The following PCDHGA4 variants were observed in gnomAD, a reference collection of about 807,000 sequenced individuals.
PCDHGA4 encodes protocadherin gamma subfamily A, 4.
Under a neutral mutation model 54.6 loss-of-function variants are expected in PCDHGA4, and 38 were observed. The observed-to-expected ratio is 0.70, with a 90% CI of 0.54 to 0.91. The LOEUF (loss-of-function observed/expected upper bound fraction) is 0.91, where lower values mean the gene tolerates loss of function less well. PCDHGA4 is among the 40% of genes least tolerant of loss of function. The pLI is 0.00. For synonymous variants in PCDHGA4, 511 were observed against 512.9 expected, an observed-to-expected ratio of 1.00 and a Z score of 0.05; for missense variants, 1,298 against 1,220.9, an observed-to-expected ratio of 1.06 and a Z score of -0.94.
At chr5:141,494,638 A>G (rs2099755799) in intron 1 of PCDHGA4, 169 bp from the exon 2 acceptor site, 1 of 896,388 alleles carries the variant, frequency 1.1e-6, no homozygotes, top group African/African-American at 1.8e-5. Context: ...GACCTCTGAG[A>G]CCTGAGGTGT....
At chr5:141,410,818 T>G in intron 1 of PCDHGA4, 2 of 556,016 alleles carry the variant, frequency 3.6e-6, no homozygotes, top group Non-Finnish European at 5.8e-6. Context: ...TGTAAAATAA[T>G]GTCACCAGAC....
chr5:141,399,010 G>A (rs1400790755), intron 1 of PCDHGA4: 5 of 1,613,726 alleles, frequency 3.1e-6, no homozygotes, highest in African/African-American at 1.3e-5. Flanking sequence ...TTCAAAGAGC[G>A]GAGAAATTAC....
At chr5:141,470,001 C>T (rs753591964) in intron 1 of PCDHGA4, among the ~76,000 whole-genome samples, 6 of 152,006 alleles carry the variant, frequency 3.9e-5, no homozygotes, top group Admixed American at 1.3e-4. Context: ...CGTCGTGGCA[C>T]GCCTGTAATC....
At chr5:141,498,457 G>A (rs1028236637) in intron 2 of PCDHGA4, among the ~76,000 whole-genome samples, 8 of 152,126 alleles carry the variant, frequency 5.3e-5, no homozygotes, top group African/African-American at 1.9e-4. Flanking sequence ...CTTTTATCCA[G>A]TCTAACCCTG....
intron 1 of PCDHGA4, chr5:141,384,591 C>T (rs1780246263): frequency 6.2e-7 from 1 of 1,614,114 alleles, no homozygotes; most frequent in South Asian, 1.1e-5. Flanking sequence ...AGATCCTGTA[C>T]CCGGCCCTCC....
Position 141,477,876 on chromosome 5 carries a change from G to A in PCDHGA4, c.2515-16931G>A, listed in dbSNP as rs1412801533. The A allele has an allele frequency of 4.3e-6, 7 of 1,614,144 alleles. No individual in the cohort carries two copies. Among genetic ancestry groups the A allele is most frequent in the Non-Finnish European group, 5.9e-6 (7 of 1,180,030 alleles). ...ATGCTGCCTCGAGGTACCTCAGCTG[G>A]CCACCTAGTGTCACGGGTGGTAGGC... On this transcript the variant is annotated intron_variant, in intron 1 of 3. Coordinates refer to ENST00000571252, the MANE Select transcript of PCDHGA4 (RefSeq NM_018917.4). The surrounding 1 kb of genome is among the most constrained non-coding windows in gnomAD (Gnocchi z 4.9).
intron 1 of PCDHGA4, chr5:141,374,211 C>T (rs748746691): frequency 6.2e-6 from 10 of 1,613,954 alleles, no homozygotes; most frequent in Non-Finnish European, 8.5e-6. Context: ...GAGAAAGGCT[C>T]CTTCGTAGGC....
intron 1 of PCDHGA4, among the ~76,000 whole-genome samples, chr5:141,402,229 AG>A (rs1400203598): frequency 6.6e-6 from 1 of 152,110 alleles, no homozygotes; most frequent in Non-Finnish European, 1.5e-5. Context: ...ACGTTTTTCC[AG>A]GAATTTTATC....
chr5:141,405,433 T>A, intron 1 of PCDHGA4: 1 of 1,471,752 alleles, frequency 6.8e-7, no homozygotes, highest in Non-Finnish European at 9.3e-7. Flanking sequence ...TTTTGTTTTG[T>A]TTTTGAGACA....
intron 1 of PCDHGA4, chr5:141,403,695 G>A (rs376074779): frequency 6.2e-7 from 1 of 1,613,780 alleles, no homozygotes; most frequent in Non-Finnish European, 8.5e-7. Flanking sequence ...CGGATTTACC[G>A]AGTTAAAGTC....
At chr5:141,425,717 C>G (rs1207360676) in intron 1 of PCDHGA4, among the ~76,000 whole-genome samples, 1 of 152,188 alleles carries the variant, frequency 6.6e-6, no homozygotes, top group African/African-American at 2.4e-5. Context: ...TTTTCCCATA[C>G]CACTTGATGG....
At position 141,493,666 on chromosome 5, in the gene PCDHGA4, C is replaced by T. The variant is rs1475584876; in HGVS notation, c.2515-1141C>T. On this transcript the variant is annotated intron_variant, in intron 1 of 3. Transcript: ENST00000571252. The surrounding 1 kb of genome is among the most constrained non-coding windows in gnomAD (Gnocchi z 4.3). ...GCCATCCCTGTGCCCTTCTCCATGG[C>T]AGCCCCAGAATGGTGCTGGTGACTC... 6.6e-6 allele frequency among the ~76,000 whole-genome samples: 1 copy of T among 152,176 alleles called. No individual in the cohort carries two copies. The highest frequency in any genetic ancestry group is 1.5e-5 in the Non-Finnish European group (1 of 68,028).
intron 1 of PCDHGA4, among the ~76,000 whole-genome samples, chr5:141,433,999 A>G (rs1471657184): frequency 6.6e-6 from 1 of 152,070 alleles, no homozygotes; most frequent in Admixed American, 6.6e-5. Context: ...TATATTCTCT[A>G]TATATGTTTG....
In PCDHGA4 at chr5:141,357,607, G is replaced by T; in HGVS notation, c.2500G>T (p.Asp834Tyr). ...TCAGGATTTACTTGAAACAAAAGGA[G>T]ACCCTAATCTTCAGGTGAGTCAATC... ...ITQDLLETKG[D>Y]PNLQQAPPNT... Residue 834 changes from aspartate to tyrosine, a missense_variant, in exon 1 of 4, where the codon GAC becomes TAC. Physicochemically the swap from Asp to Tyr is radical, Grantham distance 160. Transcript: ENST00000571252. 1.2e-6 allele frequency: 2 copies of T among 1,613,950 alleles called. No homozygotes were observed. Among genetic ancestry groups the T allele is most frequent in the Non-Finnish European group, 1.7e-6 (2 of 1,179,912 alleles).
At chr5:141,508,295 G>C (rs989632251) in intron 3 of PCDHGA4, 5 of 152,202 alleles carry the variant, frequency 3.3e-5, no homozygotes, top group Non-Finnish European at 7.3e-5. Context: ...TGGGCCTTGG[G>C]GGGAGTGGGG....
At chr5:141,462,474 C>T (rs2099040477) in intron 1 of PCDHGA4, among the ~76,000 whole-genome samples, 1 of 151,994 alleles carries the variant, frequency 6.6e-6, no homozygotes, top group South Asian at 2.1e-4. Flanking sequence ...TATTCTGCTT[C>T]TCGTGGTTGT....
chr5:141,403,215 G>A (rs2150961720), intron 1 of PCDHGA4: 1 of 1,613,996 alleles, frequency 6.2e-7, no homozygotes, highest in South Asian at 1.1e-5. Flanking sequence ...GTCACCGCGG[G>A]TAGGATAGAC....
intron 1 of PCDHGA4, chr5:141,362,353 C>T (rs1561526575): frequency 3.1e-6 from 5 of 1,613,956 alleles, no homozygotes; most frequent in South Asian, 1.1e-5. Context: ...ACCTGGGGTT[C>T]TCCCCAATTA....
In PCDHGA4 at chr5:141,422,867, T is replaced by C. The variant is rs116031289; in HGVS notation, c.2514+65246T>C. On this transcript the variant is annotated intron_variant, in intron 1 of 3. Coordinates refer to ENST00000571252, the MANE Select transcript of PCDHGA4 (RefSeq NM_018917.4). Reference sequence around the variant, plus strand: ...GGGGACCCGCCCCTCAGCAGCAACGTGTCGCTGAGCCTGTTCGTGCTGGAC... The same window carrying C: ...GGGGACCCGCCCCTCAGCAGCAACGCGTCGCTGAGCCTGTTCGTGCTGGAC... 1.5e-3 allele frequency: 2,464 copies of C among 1,614,218 alleles called. 37 individuals are homozygous for C. In the African/African-American group the frequency reaches 0.029, roughly 19 times the overall value.
Sources: allele counts gnomAD v4.1 joint callset (sites outside exome capture counted in the v4.1 genomes callset), GRCh38; gene constraint gnomAD v4.1.1; non-coding constraint Gnocchi (gnomAD v3.1); transcripts MANE v1.5; gene names NCBI Gene and HGNC (gene_info 2026-07-23, HGNC 2026-07-21).